PSMG4: variants seen among roughly 807,000 people sequenced by gnomAD.
PSMG4 encodes proteasome (prosome, macropain) assembly chaperone 4.
In PSMG4, 10 loss-of-function variants were observed where a neutral mutation model predicts 11.0. That is an observed-to-expected ratio of 0.91 (90% CI 0.56 to 1.54). PSMG4 has a LOEUF of 1.54. Among genes scored for constraint, PSMG4 ranks in the 40% most tolerant of loss-of-function variants. PSMG4 has a pLI of 0.00. For missense variants in PSMG4, 198 were observed against 160.9 expected (o/e 1.23, Z -1.25); for synonymous variants, 95 against 71.3 (o/e 1.33, Z -1.68).
At chr6:3,257,665 C>A (rs1050744971), upstream of PSMG4, among the ~76,000 whole-genome samples, 2 of 152,104 alleles carry the variant, frequency 1.3e-5, no homozygotes, top group Non-Finnish European at 2.9e-5. Context: ...CTGTGTGATT[C>A]CACTGATACA....
At chr6:3,260,291 A>ATATATTTTTTTTTT in intron 1 of PSMG4, among the ~76,000 whole-genome samples, 11 of 70,858 alleles carry the variant, frequency 1.6e-4, no homozygotes, top group African/African-American at 4.4e-4. Context: ...ATATATATAT[A>ATATATTTTTTTTTT]TTTTTTTTTT....
intron 2 of PSMG4, chr6:3,264,511 C>T: frequency 8.5e-7 from 1 of 1,174,810 alleles, no homozygotes; most frequent in Non-Finnish European, 1.2e-6. Context: ...GTCAGTCACA[C>T]TGAGGCAAAT....
chr6:3,259,613 T>G (rs1452228864), intron 1 of PSMG4, among the ~76,000 whole-genome samples: 1 of 152,208 alleles, frequency 6.6e-6, no homozygotes, highest in Non-Finnish European at 1.5e-5. Flanking sequence ...CAGGCTCTCT[T>G]CTCCAAACCT....
chr6:3,267,963 G>C lies in PSMG4; in HGVS notation c.*251G>C, dbSNP rs1167651719. 5.8e-6 allele frequency: 2 copies of C among 345,942 alleles called. No homozygotes were observed. The highest frequency in any genetic ancestry group is 2.1e-5 in the African/African-American group (1 of 48,442). 21.4% of individuals were successfully genotyped at this position (345,942 alleles called of 1,614,324 possible). On this transcript the variant is annotated 3_prime_UTR_variant, in exon 3 of 3. Coordinates refer to ENST00000438998, the MANE Select transcript of PSMG4 (RefSeq NM_001128591.2). ...AGAGGGATGAAATGGGATTTTTGTTGGGATTGAAGACTGTAATCTAAGAGT... is the reference window on the plus strand; with the variant it reads ...AGAGGGATGAAATGGGATTTTTGTTCGGATTGAAGACTGTAATCTAAGAGT...
intron 1 of PSMG4, among the ~76,000 whole-genome samples, chr6:3,261,033 C>G (rs1757971431): frequency 6.6e-6 from 1 of 152,102 alleles, no homozygotes; most frequent in Non-Finnish European, 1.5e-5. Flanking sequence ...GCTCCTGATG[C>G]ACCGCTCTCT....
At chr6:3,262,874 C>G (rs1353136015) in intron 1 of PSMG4, among the ~76,000 whole-genome samples, 4 of 119,372 alleles carry the variant, frequency 3.4e-5, no homozygotes, top group African/African-American at 5.7e-5. Context: ...AGAGACAGAT[C>G]TTACTTCATT....
At position 3,267,609 on chromosome 6, in the gene PSMG4, A is replaced by T. The variant is rs1448282761; in HGVS notation, c.269A>T (p.Gln90Leu). The change falls in exon 3 of 3, where the codon CAG (glutamine) becomes CTG (leucine). Residue 90 changes from glutamine (Q) to leucine (L), a missense_variant. By Grantham distance (113) the Gln-to-Leu change is moderately radical (BLOSUM62 -2). Transcript: ENST00000438998. ...AQRLARKTNK[Q>L]VFVSYNLQNT... Reference sequence around the variant, plus strand: ...TTTTTAGCCAGGAAGACCAACAAACAGGTGTTTGTCAGCTATAACCTTCAG... The same window carrying T: ...TTTTTAGCCAGGAAGACCAACAAACTGGTGTTTGTCAGCTATAACCTTCAG... The T allele has an allele frequency of 3.2e-6, 5 of 1,551,742 alleles. No individual in the cohort carries two copies. Among genetic ancestry groups the T allele is most frequent in the Non-Finnish European group, 4.4e-6 (5 of 1,146,988 alleles).
intron 1 of PSMG4, among the ~76,000 whole-genome samples, chr6:3,261,418 C>T (rs1346461434): frequency 6.6e-6 from 1 of 152,074 alleles, no homozygotes; most frequent in Admixed American, 6.6e-5. Context: ...GGTGTCGCTG[C>T]CTTGTGCCAC....
At position 3,267,726 on chromosome 6, in the gene PSMG4, G is replaced by A; in HGVS notation, c.*14G>A. On this transcript the variant is annotated 3_prime_UTR_variant, in exon 3 of 3. Coordinates refer to ENST00000438998, the MANE Select transcript of PSMG4 (RefSeq NM_001128591.2). ...GAAAAGTTCTAGCTGAGTGGCAGAAGTGAGAATTTGTAAACTTATGTACAA... is the reference window on the plus strand; with the variant it reads ...GAAAAGTTCTAGCTGAGTGGCAGAAATGAGAATTTGTAAACTTATGTACAA... 1 of 1,551,084 alleles carries A rather than the reference G, an allele frequency of 6.4e-7. No individual in the cohort carries two copies. The highest frequency in any genetic ancestry group is 8.7e-7 in the Non-Finnish European group (1 of 1,146,360).
At chr6:3,264,017 A>G (rs1277888489) in intron 2 of PSMG4, 3 of 1,346,606 alleles carry the variant, frequency 2.2e-6, no homozygotes, top group East Asian at 2.5e-5. Flanking sequence ...CCTTGAGTCC[A>G]TGAGCTGATT....
At chr6:3,255,048 C>G (rs769014708), upstream of PSMG4, 6 of 1,550,546 alleles carry the variant, frequency 3.9e-6, no homozygotes, top group East Asian at 2.4e-5. Context: ...ATTCTCTGGA[C>G]AGGAACAAAC....
upstream of PSMG4, among the ~76,000 whole-genome samples, chr6:3,255,671 A>G (rs1437274536): frequency 6.6e-6 from 1 of 152,180 alleles, no homozygotes; most frequent in Non-Finnish European, 1.5e-5. Context: ...GCCTTAAGTG[A>G]TTTGTATGAG....
intron 1 of PSMG4, among the ~76,000 whole-genome samples, chr6:3,260,621 G>T (rs190335126): frequency 6.6e-6 from 1 of 152,120 alleles, no homozygotes; most frequent in African/African-American, 2.4e-5. Context: ...GATTATAGGC[G>T]TTAGCCGCCG....
At chr6:3,256,115 C>T (rs1400326521), upstream of PSMG4, among the ~76,000 whole-genome samples, 1 of 152,158 alleles carries the variant, frequency 6.6e-6, no homozygotes, top group Non-Finnish European at 1.5e-5. Context: ...AAGGGTGGCA[C>T]AAATTTTCAC....
intron 1 of PSMG4, 40 bp from the exon 2 acceptor site, chr6:3,263,644 G>T: frequency 6.8e-7 from 1 of 1,479,604 alleles, no homozygotes; most frequent in Non-Finnish European, 9.0e-7. Context: ...GGCCTGCGGG[G>T]GGTGGAGAAG....
At chr6:3,264,148 G>C in intron 2 of PSMG4, 1 of 1,544,662 alleles carries the variant, frequency 6.5e-7, no homozygotes, top group Non-Finnish European at 8.8e-7. Flanking sequence ...AGTGCAGCTG[G>C]TGGAGCAGGT....
At chr6:3,260,291 A>ATATTTTTTTTTTTTTTT in intron 1 of PSMG4, among the ~76,000 whole-genome samples, 2 of 70,842 alleles carry the variant, frequency 2.8e-5, no homozygotes, top group African/African-American at 5.5e-5. Context: ...ATATATATAT[A>ATATTTTTTTTTTTTTTT]TTTTTTTTTT....
At chr6:3,254,739 T>G (rs544645713), upstream of PSMG4, among the ~76,000 whole-genome samples, 1 of 152,050 alleles carries the variant, frequency 6.6e-6, no homozygotes, top group Non-Finnish European at 1.5e-5. Context: ...AAACTCCCCC[T>G]GTGCCTCTTT....
chr6:3,267,915 T>G lies in PSMG4; in HGVS notation c.*203T>G. ...GAGAGGCAAAGTGGGCAGTATATAC[T>G]TCCTCATTTGGCTGTGAGTGATAGA... On this transcript the variant is annotated 3_prime_UTR_variant, in exon 3 of 3. Transcript: ENST00000438998. 8.6e-6 allele frequency: 4 copies of G among 466,700 alleles called. No homozygotes were observed. The highest frequency in any genetic ancestry group is 3.7e-5 in the East Asian group (1 of 27,016). 28.9% of individuals were successfully genotyped at this position (466,700 alleles called of 1,614,324 possible).
Sources: gnomAD v4.1 joint callset for allele counts (sites outside exome capture counted in the v4.1 genomes callset) on GRCh38, gnomAD v4.1.1 for gene constraint, MANE v1.5 for transcripts, NCBI Gene and HGNC (gene_info 2026-07-23, HGNC 2026-07-21) for gene names.